Variants in PRSS37 observed in about 807,000 individuals in gnomAD.
PRSS37 encodes serine protease 37.
In PRSS37, 25 loss-of-function variants were observed where a neutral mutation model predicts 28.0. That is an observed-to-expected ratio of 0.89 (90% CI 0.65 to 1.25). PRSS37 has a LOEUF of 1.25. PRSS37 is among the 50% of genes most tolerant of loss of function. The pLI, the probability that PRSS37 is intolerant of heterozygous loss-of-function variation, is 0.00. For synonymous variants in PRSS37, 109 were observed against 107.8 expected, an observed-to-expected ratio of 1.01 and a Z score of -0.07; for missense variants, 282 against 292.2, an observed-to-expected ratio of 0.97 and a Z score of 0.25.
rs10454324 is a variant in PRSS37, at chr7:141,840,941, G to T, written c.34+75C>A. ...TTTTGACTCTTTTTCTGCACCCTTC[G>T]CAATCCTGCCTCTGTCTCACCCCAT... On this transcript the variant is annotated intron_variant, in intron 1 of 4. Coordinates refer to ENST00000350549, the MANE Select transcript of PRSS37 (RefSeq NM_001008270.3). The T allele has an allele frequency of 2.9e-5, 43 of 1,462,736 alleles. No individual in the cohort carries two copies. In the South Asian group the frequency reaches 3.9e-4, roughly 13 times the overall value. 90.6% of individuals were successfully genotyped at this position (1,462,736 alleles called of 1,614,324 possible).
chr7:141,838,034 C>T lies in PRSS37; in HGVS notation c.256G>A (p.Val86Ile), dbSNP rs546310407. 377 of 1,614,064 alleles carry T rather than the reference C, an allele frequency of 2.3e-4. 2 individuals are homozygous for T. In the South Asian group the frequency reaches 2.4e-3, roughly 10 times the overall value. ...CTATGACTGTAGTTCCAGTAGCGGACGATCTGAATGGGGTTAATTGTCTGT... is the reference window on the plus strand; with the variant it reads ...CTATGACTGTAGTTCCAGTAGCGGATGATCTGAATGGGGTTAATTGTCTGT... ...TEQTINPIQI[V>I]RYWNYSHSAP... Residue 86 changes from valine to isoleucine, a missense_variant, in exon 3 of 5, where the codon GTC becomes ATC. Coordinates refer to ENST00000350549, the MANE Select transcript of PRSS37 (RefSeq NM_001008270.3).
At position 141,836,311 on chromosome 7, in the gene PRSS37, A is replaced by G; in HGVS notation, c.*84T>C. On this transcript the variant is annotated 3_prime_UTR_variant, in exon 5 of 5. Transcript: ENST00000350549. The stretch of plus-strand genomic sequence containing the variant: ...GCTACATTCCCAAATTTTCATTTGG[A>G]GATTTTATTTTGAATAGAGGGAAAA... 1 of 1,452,758 alleles carries G rather than the reference A, an allele frequency of 6.9e-7. No homozygotes were observed. The highest frequency in any genetic ancestry group is 1.3e-5 in the South Asian group (1 of 77,516). 90.0% of individuals were successfully genotyped at this position (1,452,758 alleles called of 1,614,324 possible). A position where few individuals can be genotyped will look rare whatever the true frequency, so the allele number is the denominator to read the frequency against.
chr7:141,836,366 C>A lies in PRSS37; in HGVS notation c.*29G>T. ...CTGCTTGTATAGTCCATGGCAGAGC[C>A]AGTGGAATGCAGAGGGAGAAGTAGG... On this transcript the variant is annotated 3_prime_UTR_variant, in exon 5 of 5. Coordinates refer to ENST00000350549, the MANE Select transcript of PRSS37 (RefSeq NM_001008270.3). 1 of 1,611,150 alleles carries A rather than the reference C, an allele frequency of 6.2e-7. No homozygotes were observed. The highest frequency in any genetic ancestry group is 8.5e-7 in the Non-Finnish European group (1 of 1,177,736).
Position 141,837,779 on chromosome 7 carries a change from T to G in PRSS37, c.430+81A>C. On this transcript the variant is annotated intron_variant, in intron 3 of 4. Transcript: ENST00000350549. Reference sequence around the variant, plus strand: ...CTCCTTTCACTCTCCTTTCCTCCTCTCTCCTCACAGCTATGAGGATATGGA... The same window carrying G: ...CTCCTTTCACTCTCCTTTCCTCCTCGCTCCTCACAGCTATGAGGATATGGA... The G allele has an allele frequency of 1.9e-6, 3 of 1,565,312 alleles. No homozygotes were observed. The South Asian group carries it at 3.6e-5, about 19-fold the overall frequency.
At chr7:141,837,677 C>A (rs548192874) in intron 3 of PRSS37, 183 bp downstream of exon 3, 1 of 1,531,434 alleles carries the variant, frequency 6.5e-7, no homozygotes, top group Non-Finnish European at 8.8e-7. Flanking sequence ...ATATTAGACA[C>A]CCTGGGAAAG....
intron 2 of PRSS37, chr7:141,838,563 G>A: frequency 1.7e-6 from 1 of 602,302 alleles, no homozygotes; most frequent in South Asian, 4.3e-5. Flanking sequence ...GACATATATG[G>A]ATTTAATCAG....
Position 141,841,162 on chromosome 7 carries a change from T to C in PRSS37, c.-113A>G. On this transcript the variant is annotated 5_prime_UTR_variant, in exon 1 of 5. Coordinates refer to ENST00000350549, the MANE Select transcript of PRSS37 (RefSeq NM_001008270.3). ...GGTAGACTCAGTGGCTATGGTTAGA[T>C]ACGGAGGCACTCCATGGGATTGGAA... 3 of 1,567,958 alleles carry C rather than the reference T, an allele frequency of 1.9e-6. No individual in the cohort carries two copies. Among genetic ancestry groups the C allele is most frequent in the Non-Finnish European group, 1.7e-6 (2 of 1,153,954 alleles).
intron 2 of PRSS37, 195 bp downstream of exon 2, chr7:141,839,143 G>A: frequency 4.7e-6 from 3 of 639,992 alleles, no homozygotes; most frequent in Non-Finnish European, 8.4e-6. Context: ...GCTGTGAATT[G>A]TAGGATGTTA....
chr7:141,836,373 A>G lies in PRSS37; in HGVS notation c.*22T>C. 6.2e-7 allele frequency: 1 copy of G among 1,612,790 alleles called. No homozygotes were observed. The highest frequency in any genetic ancestry group is 8.5e-7 in the Non-Finnish European group (1 of 1,178,930). ...TATAGTCCATGGCAGAGCCAGTGGA[A>G]TGCAGAGGGAGAAGTAGGGTCTCAC... On this transcript the variant is annotated 3_prime_UTR_variant, in exon 5 of 5. Transcript: ENST00000350549.
chr7:141,836,600 A>G lies in PRSS37; in HGVS notation c.568-65T>C, dbSNP rs1397126425. On this transcript the variant is annotated intron_variant, in intron 4 of 4. Coordinates refer to ENST00000350549, the MANE Select transcript of PRSS37 (RefSeq NM_001008270.3). The stretch of plus-strand genomic sequence containing the variant: ...AAGAGTGTCAGATCTTCTCACAGGA[A>G]CCCTAGTGTCCCGCTTGGGTGAGCC... The G allele has an allele frequency of 8.2e-6, 13 of 1,582,274 alleles. No homozygotes were observed. The East Asian group carries it at 2.5e-4, about 30-fold the overall frequency.
rs1022047964 is a variant in PRSS37 at position 141,837,019 on chromosome 7, T to C, written c.567+93A>G. ...CAGCCTTATCAAATTCTCAAAAAAT[T>C]ATTTAGACATCTAAAATAGTTTTTA... On this transcript the variant is annotated intron_variant, in intron 4 of 4. Transcript: ENST00000350549. The C allele has an allele frequency of 4.5e-6, 6 of 1,340,034 alleles. No homozygotes were observed. The African/African-American group carries it at 7.4e-5, about 17-fold the overall frequency. The allele number at this position is 1,340,034 out of a possible 1,614,324, so 83.0% of individuals were successfully genotyped here. A position where few individuals can be genotyped will look rare whatever the true frequency, so the allele number is the denominator to read the frequency against.
intron 3 of PRSS37, 119 bp downstream of exon 3, chr7:141,837,741 A>G (rs3800990): frequency 0.17 from 262,370 of 1,544,688 alleles, 23,090 homozygotes; most frequent in East Asian, 0.25. Context: ...CTCAGGTAGC[A>G]TCTCTATTGG....
chr7:141,841,132 C>A lies in PRSS37; in HGVS notation c.-83G>T. On this transcript the variant is annotated 5_prime_UTR_variant, in exon 1 of 5. Coordinates refer to ENST00000350549, the MANE Select transcript of PRSS37 (RefSeq NM_001008270.3). ...GTTGGCTTAGTTGTCTTCTCAGGAACACCTGGTAGACTCAGTGGCTATGGT... is the reference window on the plus strand; with the variant it reads ...GTTGGCTTAGTTGTCTTCTCAGGAAAACCTGGTAGACTCAGTGGCTATGGT... 1 of 1,603,754 alleles carries A rather than the reference C, an allele frequency of 6.2e-7. No homozygotes were observed. Among genetic ancestry groups the A allele is most frequent in the Non-Finnish European group, 8.5e-7 (1 of 1,173,520 alleles).
Position 141,838,703 on chromosome 7 carries a change from C to T in PRSS37, c.177-590G>A, listed in dbSNP as rs1366617236. On this transcript the variant is annotated intron_variant, in intron 2 of 4. Transcript: ENST00000350549. ...TCCCTGCAGTTTTGTCACAGAGTGG[C>T]TGTGCTCCTTGACTAGGGGTTACAA... The T allele has an allele frequency of 2.3e-5, 6 of 260,378 alleles. 1 individual carries two copies. The Admixed American group carries it at 2.9e-4, about 13-fold the overall frequency. The allele number at this position is 260,378 out of a possible 1,614,324, so 16.1% of individuals were successfully genotyped here. A position where few individuals can be genotyped will look rare whatever the true frequency, so the allele number is the denominator to read the frequency against.
In PRSS37 at chr7:141,838,120, G is replaced by C; in HGVS notation, c.177-7C>G. The C allele has an allele frequency of 6.2e-7, 1 of 1,611,918 alleles. No individual in the cohort carries two copies. Among genetic ancestry groups the C allele is most frequent in the Non-Finnish European group, 8.5e-7 (1 of 1,179,276 alleles). On this transcript the variant is annotated splice_polypyrimidine_tract_variant and splice_region_variant and intron_variant, in intron 2 of 4. Coordinates refer to ENST00000350549, the MANE Select transcript of PRSS37 (RefSeq NM_001008270.3). ...CAGCATCACTTTCAGATTTCTGGAG[G>C]GAGAGGGGTTGGAAGTAATCATCAT...
At chr7:141,837,328 A>G (rs1221843149) in intron 3 of PRSS37, 80 bp from the exon 4 acceptor site, 3 of 1,465,406 alleles carry the variant, frequency 2.0e-6, no homozygotes, top group Non-Finnish European at 2.8e-6. Context: ...CTCTATTTCA[A>G]CTGGTATCTT....
intron 1 of PRSS37, among the ~76,000 whole-genome samples, chr7:141,840,585 T>A (rs1054140066): frequency 6.6e-6 from 1 of 152,248 alleles, no homozygotes; most frequent in Admixed American, 6.5e-5. Flanking sequence ...GTTAATTAAC[T>A]TGGCTAATCT....
intron 3 of PRSS37, 48 bp downstream of exon 3, chr7:141,837,812 C>T: frequency 1.9e-6 from 3 of 1,583,750 alleles, no homozygotes; most frequent in Non-Finnish European, 2.6e-6. Context: ...GGATGTTCCT[C>T]CTAAAGGACA....
intron 1 of PRSS37, 104 bp downstream of exon 1, chr7:141,840,912 C>A (rs1188159782): frequency 8.7e-7 from 1 of 1,152,524 alleles, no homozygotes; most frequent in South Asian, 1.3e-5. Flanking sequence ...GCTGATGACA[C>A]TATTTTTGAC....
Sources: gnomAD v4.1 joint callset for allele counts (sites outside exome capture counted in the v4.1 genomes callset) on GRCh38, gnomAD v4.1.1 for gene constraint, MANE v1.5 for transcripts, NCBI Gene and HGNC (gene_info 2026-07-23, HGNC 2026-07-21) for gene names.